Variants in TIAM1 observed in about 807,000 individuals in gnomAD.
TIAM1 encodes the protein rho guanine nucleotide exchange factor TIAM1.
A neutral mutation model predicts 163.5 loss-of-function variants in TIAM1; 65 were observed. The ratio of observed to expected loss-of-function variants is 0.40; its 90% CI spans 0.33 to 0.49. TIAM1 has a LOEUF of 0.49. TIAM1 is among the 20% of genes least tolerant of loss of function. The probability of loss-of-function intolerance (pLI) is 0.77; values close to 1 mark genes in which losing one functional copy is unlikely to be tolerated. For synonymous variants in TIAM1, 833 were observed against 810.1 expected (o/e 1.03, Z -0.48); for missense variants, 1,789 against 2,044.7 (o/e 0.87, Z 2.41).
chr21:31,510,671 G>A (rs552610380), intron 1 of TIAM1, among the ~76,000 whole-genome samples: 24 of 152,008 alleles, frequency 1.6e-4, no homozygotes, highest in South Asian at 6.2e-4. Flanking sequence ...AAAATTAGCC[G>A]GGCGTGGTGA....
At chr21:31,471,951 C>G (rs1569361329) in intron 1 of TIAM1, among the ~76,000 whole-genome samples, 1 of 146,132 alleles carries the variant, frequency 6.8e-6, no homozygotes, top group Admixed American at 6.8e-5. Flanking sequence ...GGGCGGGAGC[C>G]TTGAGTCCAC....
intron 10 of TIAM1, among the ~76,000 whole-genome samples, chr21:31,211,430 T>C (rs1363468027): frequency 1.3e-5 from 2 of 152,228 alleles, no homozygotes; most frequent in African/African-American, 4.8e-5. Context: ...ATTATTGATT[T>C]ATAACCAGGC....
At chr21:31,517,594 A>G (rs1314113944) in intron 1 of TIAM1, among the ~76,000 whole-genome samples, 1 of 152,188 alleles carries the variant, frequency 6.6e-6, no homozygotes, top group African/African-American at 2.4e-5. Context: ...ATGGAGCAAT[A>G]CAGTCACAGG....
intron 1 of TIAM1, among the ~76,000 whole-genome samples, chr21:31,544,490 C>T (rs1032070024): frequency 2.0e-5 from 3 of 147,110 alleles, no homozygotes; most frequent in Admixed American, 6.8e-5. Context: ...TAGCCAGGCA[C>T]GATGGTGGGC....
chr21:31,203,314 G>A (rs1383632435), intron 11 of TIAM1, among the ~76,000 whole-genome samples: 2 of 152,132 alleles, frequency 1.3e-5, no homozygotes, highest in African/African-American at 4.8e-5. Flanking sequence ...GTGGAGATGG[G>A]GTTTCACTAT....
chr21:31,418,622 T>C (rs537979812), intron 2 of TIAM1, among the ~76,000 whole-genome samples: 1 of 152,054 alleles, frequency 6.6e-6, no homozygotes, highest in African/African-American at 2.4e-5. Flanking sequence ...CCACAGAAGC[T>C]ATTAGAAAGG....
At chr21:31,328,367 T>C (rs1317497548) in intron 2 of TIAM1, among the ~76,000 whole-genome samples, 1 of 151,922 alleles carries the variant, frequency 6.6e-6, no homozygotes, top group Non-Finnish European at 1.5e-5. Context: ...ACTTAACACG[T>C]ACATATTTTA....
intron 5 of TIAM1, 63 bp from the exon 6 acceptor site, chr21:31,245,723 G>A: frequency 7.6e-7 from 1 of 1,308,144 alleles, no homozygotes. Flanking sequence ...AGAACCCACA[G>A]TTGAACCTAA....
chr21:31,467,599 T>C (rs2045578114), intron 1 of TIAM1, among the ~76,000 whole-genome samples: 1 of 150,644 alleles, frequency 6.6e-6, no homozygotes, highest in Non-Finnish European at 1.5e-5. Context: ...GCACTCCAGC[T>C]TGGGCAACAA....
chr21:31,215,594 A>G (rs1164966058), intron 9 of TIAM1, among the ~76,000 whole-genome samples: 2 of 148,186 alleles, frequency 1.3e-5, no homozygotes, highest in Non-Finnish European at 3.0e-5. Context: ...AAAAAAGAAG[A>G]GAAATGCTGA....
chr21:31,226,575 G>T (rs1453841256), intron 6 of TIAM1, among the ~76,000 whole-genome samples: 2 of 152,136 alleles, frequency 1.3e-5, no homozygotes, highest in Non-Finnish European at 2.9e-5. Context: ...TTAAGAAAAT[G>T]GTGAGCGACA....
At chr21:31,439,819 C>A (rs2044355590) in intron 2 of TIAM1, among the ~76,000 whole-genome samples, 1 of 152,154 alleles carries the variant, frequency 6.6e-6, no homozygotes. Flanking sequence ...AGAAATAGAA[C>A]CACTTTCTGC....
At chr21:31,330,853 G>T (rs1216786197) in intron 2 of TIAM1, among the ~76,000 whole-genome samples, 1 of 152,010 alleles carries the variant, frequency 6.6e-6, no homozygotes, top group East Asian at 1.9e-4. Context: ...GTTAAATTTG[G>T]CAAAGAATTC....
intron 1 of TIAM1, among the ~76,000 whole-genome samples, chr21:31,488,464 G>A (rs1022395085): frequency 2.6e-5 from 4 of 152,120 alleles, no homozygotes; most frequent in Non-Finnish European, 4.4e-5. Context: ...AAGGGGAAAC[G>A]GGAGGTGTAT....
At position 31,493,849 on chromosome 21, in the gene TIAM1, A is replaced by G. The variant is rs79779150; in HGVS notation, c.-421-29814T>C. 3.3e-3 allele frequency among the ~76,000 whole-genome samples: 510 copies of G among 152,260 alleles called. 7 individuals are homozygous for G. The highest frequency in any genetic ancestry group is 0.012 in the African/African-American group (484 of 41,546). ...CCACAGCTGGCAGCACAGTGGGTAG[A>G]GCGTAGACAGCTCCACAGATATTTG... On this transcript the variant is annotated intron_variant, in intron 1 of 28. Coordinates refer to the TIAM1 transcript ENST00000286827.
At chr21:31,457,237 A>G (rs942361887) in intron 2 of TIAM1, among the ~76,000 whole-genome samples, 4 of 152,204 alleles carry the variant, frequency 2.6e-5, no homozygotes, top group South Asian at 2.1e-4. Flanking sequence ...AACTTCACAG[A>G]AAACAAAAGT....
At chr21:31,297,784 T>C (rs1157174803) in intron 2 of TIAM1, among the ~76,000 whole-genome samples, 1 of 152,124 alleles carries the variant, frequency 6.6e-6, no homozygotes. Flanking sequence ...AAAAATATGA[T>C]ATAATGCTCA....
intron 25 of TIAM1, among the ~76,000 whole-genome samples, chr21:31,129,845 C>G (rs561354451): frequency 3.9e-5 from 6 of 152,092 alleles, no homozygotes; most frequent in Non-Finnish European, 8.8e-5. Context: ...TTTATGTGGG[C>G]TTTGTTTGCT....
At chr21:31,381,704 C>T (rs923537922) in intron 2 of TIAM1, among the ~76,000 whole-genome samples, 2 of 152,062 alleles carry the variant, frequency 1.3e-5, no homozygotes, top group Non-Finnish European at 2.9e-5. Context: ...TGGTGGTGTA[C>T]ACCTGTAGTC....
Sources: gnomAD v4.1 joint callset for allele counts (sites outside exome capture counted in the v4.1 genomes callset) on GRCh38, gnomAD v4.1.1 for gene constraint, MANE v1.5 for transcripts, NCBI Gene and HGNC (gene_info 2026-07-23, HGNC 2026-07-21) for gene names.